Variants in ASB15 observed in about 807,000 individuals in gnomAD.
ASB15 encodes the protein ankyrin repeat and SOCS box containing 15.
Under a neutral mutation model 58.0 loss-of-function variants are expected in ASB15, and 54 were observed. That is an observed-to-expected ratio of 0.93 (90% confidence interval 0.75 to 1.17). The LOEUF (loss-of-function observed/expected upper bound fraction) is 1.17. ASB15 is among the 50% of genes most tolerant of loss of function. The pLI is 0.00. For missense variants in ASB15, 680 were observed against 707.4 expected (o/e 0.96, Z 0.44); for synonymous variants, 249 against 262.4 (o/e 0.95, Z 0.50).
At chr7:123,616,585 G>C in intron 6 of ASB15, 90 bp downstream of exon 6, 1 of 1,343,644 alleles carries the variant, frequency 7.4e-7, no homozygotes, top group Non-Finnish European at 1.0e-6. Context: ...ATAACTAGCA[G>C]AAAGAAAAGG....
chr7:123,630,179 C>A, intron 11 of ASB15, 60 bp downstream of exon 11: 1 of 1,283,884 alleles, frequency 7.8e-7, no homozygotes, highest in Non-Finnish European at 1.1e-6. Context: ...GGGGAAATTT[C>A]TTAATGTCTT....
chr7:123,591,796 G>A (rs569855517), intron 1 of ASB15, among the ~76,000 whole-genome samples: 10 of 152,148 alleles, frequency 6.6e-5, no homozygotes, highest in Admixed American at 4.6e-4. Context: ...TTTGGTATCA[G>A]GATGATGCTG....
At chr7:123,600,249 A>C (rs544997948), upstream of ASB15, among the ~76,000 whole-genome samples, 1 of 152,298 alleles carries the variant, frequency 6.6e-6, no homozygotes, top group South Asian at 2.1e-4. Context: ...CTTCAGTAAC[A>C]GGCTCTCATT....
At position 123,596,667 on chromosome 7, in the gene ASB15, G is replaced by T. The variant is rs565912625; in HGVS notation, c.-442-7365G>T. Among the ~76,000 whole-genome samples, 223 of 152,038 alleles carry T rather than the reference G, an allele frequency of 1.5e-3. 2 individuals are homozygous for T. The highest frequency in any genetic ancestry group is 4.8e-3 in the Admixed American group (73 of 15,266). On this transcript the variant is annotated intron_variant, in intron 1 of 13. Coordinates refer to the ASB15 transcript ENST00000451558. Reference sequence around the variant, plus strand: ...TAAAGAAAGAGAAAAAGAAAAATTTGAATTTATTGTGCTAAGTTTTCTTCG... The same window carrying T: ...TAAAGAAAGAGAAAAAGAAAAATTTTAATTTATTGTGCTAAGTTTTCTTCG...
chr7:123,615,996 A>G (rs1010434136), intron 4 of ASB15, among the ~76,000 whole-genome samples: 2 of 152,026 alleles, frequency 1.3e-5, no homozygotes, highest in African/African-American at 2.4e-5. Flanking sequence ...GTAATCTTCT[A>G]TTTTGCCATC....
chr7:123,567,728 A>G (rs1013887744), intron 1 of ASB15, among the ~76,000 whole-genome samples: 1 of 152,212 alleles, frequency 6.6e-6, no homozygotes, highest in Non-Finnish European at 1.5e-5. Context: ...GGTAATGCTT[A>G]GCCAGTTTCC....
rs943961525 is a variant in ASB15 at position 123,638,747 on chromosome 7, C to T, written c.*1766C>T. The T allele has an allele frequency of 6.6e-6, 1 of 152,254 alleles. No individual in the cohort carries two copies. Among genetic ancestry groups the T allele is most frequent in the Non-Finnish European group, 1.5e-5 (1 of 68,094 alleles). The allele number at this position is 152,254 out of a possible 1,614,324, so 9.4% of individuals were successfully genotyped here. On this transcript the variant is annotated 3_prime_UTR_variant, in exon 12 of 12. Coordinates refer to ENST00000451215, the MANE Select transcript of ASB15 (RefSeq NM_001290258.2). ...TTCCGCTTTTTTTGCACCCTTTCAC[C>T]TGATCAACTCCCACTTACCCTATAG...
chr7:123,597,739 G>A (rs1205197430), upstream of ASB15, among the ~76,000 whole-genome samples: 1 of 152,100 alleles, frequency 6.6e-6, no homozygotes, highest in Non-Finnish European at 1.5e-5. Context: ...GCTGAGGCAG[G>A]AGAATTGCTT....
At chr7:123,623,242 G>A (rs892164116) in intron 7 of ASB15, 2 of 152,200 alleles carry the variant, frequency 1.3e-5, no homozygotes, top group African/African-American at 4.8e-5. Context: ...GTGAATGAAT[G>A]AATGAGTGAA....
chr7:123,623,706 A>T (rs1276017423), intron 7 of ASB15, among the ~76,000 whole-genome samples: 1 of 151,974 alleles, frequency 6.6e-6, no homozygotes, highest in East Asian at 1.9e-4. Context: ...TCTACTAAAA[A>T]TACAAAAATT....
upstream of ASB15, among the ~76,000 whole-genome samples, chr7:123,600,476 C>T (rs1359187944): frequency 6.6e-6 from 1 of 152,072 alleles, no homozygotes; most frequent in Non-Finnish European, 1.5e-5. Context: ...TACTCTAAAG[C>T]TTTATATGAA....
intron 11 of ASB15, 68 bp from the exon 12 acceptor site, chr7:123,636,741 C>T: frequency 2.3e-6 from 3 of 1,296,436 alleles, no homozygotes; most frequent in Non-Finnish European, 3.2e-6. Context: ...TATTCTGAAA[C>T]AGTCATATCT....
intron 1 of ASB15, among the ~76,000 whole-genome samples, chr7:123,573,288 C>CTTTTTTTTTTTT (rs35889563): frequency 2.5e-5 from 3 of 117,894 alleles, no homozygotes; most frequent in Non-Finnish European, 3.5e-5. Flanking sequence ...TCTGGATTTG[C>CTTTTTTTTTTTT]TTTTTTTTTT....
upstream of ASB15, among the ~76,000 whole-genome samples, chr7:123,598,120 G>A (rs769335204): frequency 6.6e-6 from 1 of 152,028 alleles, no homozygotes; most frequent in Non-Finnish European, 1.5e-5. Context: ...ATACTAAAAT[G>A]TGTGTCTGTA....
At chr7:123,610,880 T>A (rs779332135) in intron 3 of ASB15, among the ~76,000 whole-genome samples, 8 of 151,998 alleles carry the variant, frequency 5.3e-5, no homozygotes, top group Non-Finnish European at 1.2e-4. Flanking sequence ...TGGTGGCTCA[T>A]GCCTGTAATC....
intron 1 of ASB15, among the ~76,000 whole-genome samples, chr7:123,593,348 T>C (rs1190927688): frequency 6.6e-6 from 1 of 152,204 alleles, no homozygotes; most frequent in Non-Finnish European, 1.5e-5. Flanking sequence ...CGTTAATTGA[T>C]GCAGTTTCTT....
At chr7:123,581,434 G>GTAC (rs1428840121) in intron 1 of ASB15, among the ~76,000 whole-genome samples, 64 of 124,434 alleles carry the variant, frequency 5.1e-4, no homozygotes, top group African/African-American at 1.8e-3. Context: ...AAAAAAAAAG[G>GTAC]TACTCTCCAG....
chr7:123,602,423 A>G (rs1226832642), intron 1 of ASB15, among the ~76,000 whole-genome samples: 1 of 152,154 alleles, frequency 6.6e-6, no homozygotes, highest in Non-Finnish European at 1.5e-5. Flanking sequence ...CCTGCAAATT[A>G]TATCACAAAA....
intron 1 of ASB15, among the ~76,000 whole-genome samples, chr7:123,579,429 A>G (rs1374827547): frequency 1.3e-5 from 2 of 152,096 alleles, no homozygotes; most frequent in East Asian, 3.9e-4. Flanking sequence ...CAATAGTTAT[A>G]TGTTTGTTCT....
Sources: gnomAD v4.1 joint callset for allele counts (sites outside exome capture counted in the v4.1 genomes callset) on GRCh38, gnomAD v4.1.1 for gene constraint, MANE v1.5 for transcripts, NCBI Gene and HGNC (gene_info 2026-07-23, HGNC 2026-07-21) for gene names.